The following RAB40B variants were observed in gnomAD, a reference collection of about 807,000 sequenced individuals.
RAB40B encodes RAB40B, member RAS oncogene family.
Under a neutral mutation model 24.0 loss-of-function variants are expected in RAB40B, and 21 were observed. The ratio of observed to expected loss-of-function variants is 0.88; its 90% CI spans 0.62 to 1.26. The LOEUF is 1.26. RAB40B is among the 50% of genes most tolerant of loss of function. The probability of loss-of-function intolerance (pLI) is 0.00; values close to 1 mark genes in which losing one functional copy is unlikely to be tolerated. For synonymous variants in RAB40B, 167 were observed against 169.8 expected (o/e 0.98, Z 0.13); for missense variants, 348 against 390.5 (o/e 0.89, Z 0.92).
chr17:82,661,515 C>G (rs2046172359), intron 2 of RAB40B, among the ~76,000 whole-genome samples: 1 of 152,116 alleles, frequency 6.6e-6, no homozygotes. Context: ...GCGTGAGCTG[C>G]AGGCAGGGCT....
In RAB40B at chr17:82,656,968, C is replaced by T. The variant is rs561110325; in HGVS notation, c.*895G>A. Reference sequence around the variant, plus strand: ...GGCGGAGGTTGTGGTGAGCCCAGATCGTGCCATTGTACTCCACCCTGGGCA... The same window carrying T: ...GGCGGAGGTTGTGGTGAGCCCAGATTGTGCCATTGTACTCCACCCTGGGCA... On this transcript the variant is annotated 3_prime_UTR_variant, in exon 6 of 6. Coordinates refer to ENST00000571995, the MANE Select transcript of RAB40B (RefSeq NM_006822.3). 4.7e-4 allele frequency: 71 copies of T among 152,346 alleles called. No individual in the cohort carries two copies. The highest frequency in any genetic ancestry group is 8.8e-4 in the Non-Finnish European group (60 of 68,194). 9.4% of individuals were successfully genotyped at this position (152,346 alleles called of 1,614,324 possible).
intron 3 of RAB40B, 184 bp from the exon 4 acceptor site, chr17:82,659,841 G>A (rs2046139455): frequency 1.7e-6 from 1 of 587,768 alleles, no homozygotes; most frequent in Admixed American, 2.8e-5. Flanking sequence ...TAAGCTCAGT[G>A]ATAAACCCTC....
chr17:82,696,632 A>C (rs2046612582), intron 1 of RAB40B: 1 of 101,040 alleles, frequency 9.9e-6, no homozygotes, highest in African/African-American at 4.1e-5. Context: ...CCAGGCGCTC[A>C]ATCTCCAGCC....
In RAB40B at chr17:82,692,547, C is replaced by CAGGCGGGCTCTCAGCTGGGACAACGGT. The variant is rs2046569091; in HGVS notation, c.142+5881_142+5907dup. Among the ~76,000 whole-genome samples, 1 of 151,650 alleles carries CAGGCGGGCTCTCAGCTGGGACAACGGT rather than the reference C, an allele frequency of 6.6e-6. No homozygotes were observed. Among genetic ancestry groups the CAGGCGGGCTCTCAGCTGGGACAACGGT allele is most frequent in the Non-Finnish European group, 1.5e-5 (1 of 67,936 alleles). ...GGCCAACGGTGCAGACCCAGACCCACAGGCGGGCTCTCAGCTGGGACAACG... is the reference window on the plus strand; with the variant it reads ...GGCCAACGGTGCAGACCCAGACCCACAGGCGGGCTCTCAGCTGGGACAACGGTAGGCGGGCTCTCAGCTGGGACAACG... On this transcript the variant is annotated intron_variant, in intron 1 of 5. Coordinates refer to ENST00000571995, the MANE Select transcript of RAB40B (RefSeq NM_006822.3). The surrounding 1 kb of genome is among the most constrained non-coding windows in gnomAD (Gnocchi z 4.0).
intron 1 of RAB40B, 91 bp downstream of exon 1, chr17:82,698,364 G>GC: frequency 5.5e-6 from 4 of 721,320 alleles, no homozygotes; most frequent in Non-Finnish European, 7.2e-6. Flanking sequence ...CGCGTCCCCG[G>GC]ACCCGGACCC....
chr17:82,672,149 C>G (rs2046345521), intron 1 of RAB40B, among the ~76,000 whole-genome samples: 1 of 152,036 alleles, frequency 6.6e-6, no homozygotes, highest in Non-Finnish European at 1.5e-5. Context: ...TACCCACTGA[C>G]ACAGCTCACC....
At position 82,662,000 on chromosome 17, in the gene RAB40B, T is replaced by C. The variant is rs1035034798; in HGVS notation, c.204-953A>G. The stretch of plus-strand genomic sequence containing the variant: ...GGACAGCCAGCGCTGTTTCCCGGAG[T>C]CTGCACATGCAACGAACACACCTAC... On this transcript the variant is annotated intron_variant, in intron 2 of 5. Coordinates refer to ENST00000571995, the MANE Select transcript of RAB40B (RefSeq NM_006822.3). 43 of 982,538 alleles carry C rather than the reference T, an allele frequency of 4.4e-5. No homozygotes were observed. In the African/African-American group the frequency reaches 7.0e-4, roughly 16 times the overall value. 60.9% of individuals were successfully genotyped at this position (982,538 alleles called of 1,614,324 possible).
chr17:82,671,653 A>ACGCT (rs1414859321), intron 1 of RAB40B, among the ~76,000 whole-genome samples: 53 of 46,154 alleles, frequency 1.1e-3, no homozygotes, highest in East Asian at 1.9e-3. Context: ...ACACACTCAC[A>ACGCT]CCCTGTACTC....
rs1212547155 is a variant in RAB40B at position 82,657,588 on chromosome 17, T to A, written c.*275A>T. ...GGAAAAAGTTGCAGTGCAATCATGA[T>A]AAAGTAACATTCAGAATTTCATGTT... On this transcript the variant is annotated 3_prime_UTR_variant, in exon 6 of 6. Transcript: ENST00000571995. 1 of 550,316 alleles carries A rather than the reference T, an allele frequency of 1.8e-6. No individual in the cohort carries two copies. The highest frequency in any genetic ancestry group is 3.4e-6 in the Non-Finnish European group (1 of 298,052). 34.1% of individuals were successfully genotyped at this position (550,316 alleles called of 1,614,324 possible). A position where few individuals can be genotyped will look rare whatever the true frequency, so the allele number is the denominator to read the frequency against.
At chr17:82,662,070 C>G (rs901046655) in intron 2 of RAB40B, 5 of 985,320 alleles carry the variant, frequency 5.1e-6, no homozygotes, top group Non-Finnish European at 6.0e-6. Context: ...GCCCCGCACA[C>G]GAGACACAAC....
At chr17:82,687,163 C>T (rs568381211) in intron 1 of RAB40B, among the ~76,000 whole-genome samples, 2 of 152,260 alleles carry the variant, frequency 1.3e-5, no homozygotes, top group Admixed American at 6.5e-5. Flanking sequence ...AATTTGAACC[C>T]GTGAGTGTAC....
intron 1 of RAB40B, among the ~76,000 whole-genome samples, chr17:82,698,225 G>GAGGGCC (rs1174942025): frequency 1.3e-5 from 2 of 151,914 alleles, no homozygotes; most frequent in East Asian, 3.9e-4. Flanking sequence ...GCCGCAGCAC[G>GAGGGCC]AGGGCCAGGG....
intron 1 of RAB40B, among the ~76,000 whole-genome samples, chr17:82,684,841 C>T (rs1432458324): frequency 1.3e-5 from 2 of 152,118 alleles, no homozygotes; most frequent in African/African-American, 4.8e-5. Flanking sequence ...GGGCCAGGCA[C>T]GGTGGCCCAC....
Position 82,697,276 on chromosome 17 carries a change from A to ACGC in RAB40B, c.142+1176_142+1178dup, listed in dbSNP as rs2046619572. Among the ~76,000 whole-genome samples the ACGC allele has an allele frequency of 6.6e-6, 1 of 151,836 alleles. No individual in the cohort carries two copies. Among genetic ancestry groups the ACGC allele is most frequent in the Non-Finnish European group, 1.5e-5 (1 of 67,952 alleles). On this transcript the variant is annotated intron_variant, in intron 1 of 5. Coordinates refer to ENST00000571995, the MANE Select transcript of RAB40B (RefSeq NM_006822.3). This position sits in a 1 kb window ranked among gnomAD's most constrained non-coding sequence, Gnocchi z 4.9. ...GCCGTGCCACACTCCCTTGGTGCTC[A>ACGC]CGCCGCCTGCCTGGAGCTGCCCTTA... is the stretch of plus-strand genomic sequence containing the variant.
At chr17:82,676,639 C>CT (rs1176827227) in intron 1 of RAB40B, among the ~76,000 whole-genome samples, 2 of 151,856 alleles carry the variant, frequency 1.3e-5, no homozygotes, top group Admixed American at 6.6e-5. Context: ...TTTTCTTTTT[C>CT]TTTTTTGAGA....
In RAB40B at chr17:82,657,610, T is replaced by C. The variant is rs958334107; in HGVS notation, c.*253A>G. On this transcript the variant is annotated 3_prime_UTR_variant, in exon 6 of 6. Transcript: ENST00000571995. ...TGATAAAGTAACATTCAGAATTTCA[T>C]GTTACCAAGAGTCGAGCAGAGTACT... 6 of 600,376 alleles carry C rather than the reference T, an allele frequency of 1.0e-5. No homozygotes were observed. Among genetic ancestry groups the C allele is most frequent in the South Asian group, 3.4e-5 (2 of 59,090 alleles). 37.2% of individuals were successfully genotyped at this position (600,376 alleles called of 1,614,324 possible).
chr17:82,669,352 G>A (rs999679815), intron 1 of RAB40B, among the ~76,000 whole-genome samples: 5 of 152,082 alleles, frequency 3.3e-5, no homozygotes, highest in East Asian at 3.9e-4. Flanking sequence ...GCGGGTGCCT[G>A]TAATCCCAGC....
At chr17:82,659,537 C>A in intron 4 of RAB40B, 43 bp downstream of exon 4, 1 of 1,601,990 alleles carries the variant, frequency 6.2e-7, no homozygotes, top group African/African-American at 1.3e-5. Context: ...GACGTCCTCC[C>A]AAGCCTACAG....
At chr17:82,659,880 C>T (rs2046140033) in intron 3 of RAB40B, 1 of 525,718 alleles carries the variant, frequency 1.9e-6, no homozygotes, top group Non-Finnish European at 3.5e-6. Context: ...GGGACTAGAA[C>T]TCACACCCAC....
Sources: gnomAD v4.1 joint callset for allele counts (sites outside exome capture counted in the v4.1 genomes callset) on GRCh38, gnomAD v4.1.1 for gene constraint, Gnocchi (gnomAD v3.1) non-coding constraint, MANE v1.5 for transcripts, NCBI Gene and HGNC (gene_info 2026-07-23, HGNC 2026-07-21) for gene names.